Variants in RSF1 observed in about 807,000 individuals in gnomAD.
The protein encoded by RSF1 is remodeling and spacing factor 1, also known as HBV pX-associated protein 8.
A neutral mutation model predicts 145.2 loss-of-function variants in RSF1; 13 were observed. The ratio of observed to expected loss-of-function variants is 0.09; its 90% CI spans 0.06 to 0.14. RSF1 has a LOEUF of 0.14. Ranked by LOEUF, RSF1 falls within the 10% of genes least tolerant of loss-of-function variation. The pLI is 1.00. For missense variants in RSF1, 1,517 were observed against 1,718.2 expected (o/e 0.88, Z 2.07); for synonymous variants, 577 against 592.6 (o/e 0.97, Z 0.38).
chr11:77,818,093 T>G (rs1948799299), intron 1 of RSF1, among the ~76,000 whole-genome samples: 1 of 152,202 alleles, frequency 6.6e-6, no homozygotes, highest in East Asian at 1.9e-4. Context: ...ATCAGTCCCC[T>G]TAGCAACTCT....
chr11:77,672,675 T>C (rs1959588563), intron 14 of RSF1, among the ~76,000 whole-genome samples: 1 of 151,378 alleles, frequency 6.6e-6, no homozygotes, highest in Non-Finnish European at 1.5e-5. Context: ...AGAAAATGTT[T>C]TATCCTTTTT....
At chr11:77,678,192 GCTTT>G (rs765620620) in intron 11 of RSF1, 39 bp from the exon 12 acceptor site, 1 of 901,682 alleles carries the variant, frequency 1.1e-6, no homozygotes, top group South Asian at 2.5e-5. Context: ...GCCTGTCCTG[GCTTT>G]TTTTTTTTTT....
chr11:77,770,165 A>G (rs1306789711), intron 1 of RSF1, among the ~76,000 whole-genome samples: 1 of 152,232 alleles, frequency 6.6e-6, no homozygotes, highest in Admixed American at 6.5e-5. Flanking sequence ...TCATCTAAAA[A>G]GGTATAGTAC....
At chr11:77,843,334 G>T in the RSF1 span, among the ~76,000 whole-genome samples, 1 of 152,082 alleles carries the variant, frequency 6.6e-6, no homozygotes, top group African/African-American at 2.4e-5. Context: ...GTGTAAGTTG[G>T]GCAAAACAAG....
the RSF1 span, among the ~76,000 whole-genome samples, chr11:77,845,351 T>C: frequency 6.6e-6 from 1 of 152,170 alleles, no homozygotes; most frequent in Admixed American, 6.6e-5. Context: ...TTTTGTTGAT[T>C]CTTATCTGCT....
Position 77,667,456 on chromosome 11 carries a change from G to A in RSF1, c.3787C>T (p.Leu1263=). 6.2e-7 allele frequency: 1 copy of A among 1,612,508 alleles called. No individual in the cohort carries two copies. The highest frequency in any genetic ancestry group is 8.5e-7 in the Non-Finnish European group (1 of 1,179,902). The change falls in exon 16 of 16, where the codon CTA becomes TTA. Residue 1263 remains leucine, a synonymous_variant. Coordinates refer to ENST00000308488, the MANE Select transcript of RSF1 (RefSeq NM_016578.4). ...ACTGACCGCTTTGATTCTTTAGCTA[G>A]CTCATCATCTTCAGAGTTCTTGGAC... ...YLSKNSEDDE[L]AKESKRSVRK... is the part of the protein sequence containing the mutation.
intron 4 of RSF1, among the ~76,000 whole-genome samples, chr11:77,738,117 A>G (rs916584262): frequency 6.6e-6 from 1 of 152,230 alleles, no homozygotes; most frequent in African/African-American, 2.4e-5. Context: ...CGACAGAGTG[A>G]GACTCCGTCT....
chr11:77,689,558 C>T (rs1364095508), intron 9 of RSF1, among the ~76,000 whole-genome samples: 2 of 152,218 alleles, frequency 1.3e-5, no homozygotes, highest in African/African-American at 4.8e-5. Flanking sequence ...AATGCTCCTC[C>T]ACCATGTTCC....
chr11:77,739,687 T>C (rs2135908867), intron 4 of RSF1: 1 of 152,350 alleles, frequency 6.6e-6, no homozygotes, highest in Non-Finnish European at 1.5e-5. Context: ...AAGTTTTTCA[T>C]AAGCTAGCGG....
At chr11:77,762,445 C>T (rs1284832470) in intron 2 of RSF1, 2 of 152,184 alleles carry the variant, frequency 1.3e-5, no homozygotes, top group African/African-American at 4.8e-5. Context: ...TAATTCAGGT[C>T]TCCTTATTGC....
At chr11:77,805,460 A>G (rs1948668262) in intron 1 of RSF1, among the ~76,000 whole-genome samples, 1 of 152,162 alleles carries the variant, frequency 6.6e-6, no homozygotes. Flanking sequence ...AAAAAGAAAA[A>G]AAAAGAAAAG....
chr11:77,795,645 G>GA (rs1402501808), intron 1 of RSF1, among the ~76,000 whole-genome samples: 2 of 152,180 alleles, frequency 1.3e-5, no homozygotes, highest in Non-Finnish European at 2.9e-5. Flanking sequence ...AAGTGGTGCT[G>GA]AAATAACTGG....
chr11:77,862,839 T>C, the RSF1 span, among the ~76,000 whole-genome samples: 12 of 152,154 alleles, frequency 7.9e-5, no homozygotes, highest in African/African-American at 2.9e-4. Context: ...CATGGCCAGG[T>C]GGTACTGCAG....
intron 4 of RSF1, among the ~76,000 whole-genome samples, chr11:77,736,772 A>C (rs1180168596): frequency 6.6e-6 from 1 of 152,168 alleles, no homozygotes; most frequent in Non-Finnish European, 1.5e-5. Flanking sequence ...TATTCACCTA[A>C]AATCTATTCT....
chr11:77,833,080 A>G, the RSF1 span, among the ~76,000 whole-genome samples: 1 of 139,370 alleles, frequency 7.2e-6, no homozygotes, highest in African/African-American at 2.7e-5. Flanking sequence ...GGCAGATCTC[A>G]TATCAGTGCA....
At chr11:77,780,872 T>C (rs1350480463) in intron 1 of RSF1, among the ~76,000 whole-genome samples, 1 of 150,268 alleles carries the variant, frequency 6.7e-6, no homozygotes, top group Non-Finnish European at 1.5e-5. Context: ...GGTTCTCCCA[T>C]GCTCCACTTT....
the RSF1 span, chr11:77,841,250 T>C: frequency 1.4e-6 from 1 of 702,460 alleles, no homozygotes; most frequent in African/African-American, 1.7e-5. Flanking sequence ...GTTGTTATAA[T>C]GGCAGTTAAA....
chr11:77,724,609 G>A (rs1478970149), intron 5 of RSF1, among the ~76,000 whole-genome samples: 1 of 152,150 alleles, frequency 6.6e-6, no homozygotes, highest in Non-Finnish European at 1.5e-5. Flanking sequence ...TTGGCACCAG[G>A]AAACAGTTTC....
At chr11:77,853,993 CTTTT>C in the RSF1 span, among the ~76,000 whole-genome samples, 2 of 138,374 alleles carry the variant, frequency 1.4e-5, no homozygotes, top group Non-Finnish European at 1.5e-5. Context: ...CCTCCAAATT[CTTTT>C]TTTTTTTTTT....
Sources: allele counts gnomAD v4.1 joint callset (sites outside exome capture counted in the v4.1 genomes callset), GRCh38; gene constraint gnomAD v4.1.1; transcripts MANE v1.5; gene names NCBI Gene and HGNC (gene_info 2026-07-23, HGNC 2026-07-21).